Variants in LRRK2 observed in about 807,000 individuals in gnomAD.
LRRK2 encodes the protein leucine rich repeat kinase 2.
Under a neutral mutation model 302.6 loss-of-function variants are expected in LRRK2, and 203 were observed. The observed-to-expected ratio is 0.67, with a 90% CI of 0.60 to 0.75. LRRK2 has a LOEUF of 0.75. LRRK2 is among the 30% of genes least tolerant of loss of function. The pLI, the probability that LRRK2 is intolerant of heterozygous loss-of-function variation, is 0.00. For synonymous variants in LRRK2, 1,066 were observed against 1,031.9 expected (o/e 1.03, Z -0.63); for missense variants, 2,830 against 2,951.0 (o/e 0.96, Z 0.95).
At chr12:40,365,163 A>G (rs1159558061) in intron 49 of LRRK2, 113 bp downstream of exon 49, 1 of 936,196 alleles carries the variant, frequency 1.1e-6, no homozygotes, top group Non-Finnish European at 1.7e-6. Flanking sequence ...ATGGTCTTGG[A>G]GGGTCACACA....
intron 14 of LRRK2, among the ~76,000 whole-genome samples, chr12:40,271,250 A>G (rs1319084919): frequency 6.6e-6 from 1 of 152,208 alleles, no homozygotes; most frequent in Non-Finnish European, 1.5e-5. Context: ...CCACACATTT[A>G]GCTTATTTGT....
At chr12:40,301,123 T>C in intron 25 of LRRK2, 1 of 456,488 alleles carries the variant, frequency 2.2e-6, no homozygotes, top group Non-Finnish European at 4.4e-6. Flanking sequence ...TCAAAATCTG[T>C]TTGCTTTGCA....
chr12:40,244,637 A>G (rs1346475114), intron 7 of LRRK2, among the ~76,000 whole-genome samples: 1 of 151,342 alleles, frequency 6.6e-6, no homozygotes, highest in African/African-American at 2.4e-5. Context: ...CTGTCTTTTT[A>G]AAACCGATTC....
At chr12:40,329,540 TA>T (rs1313023667) in intron 39 of LRRK2, among the ~76,000 whole-genome samples, 1 of 152,190 alleles carries the variant, frequency 6.6e-6, no homozygotes, top group Non-Finnish European at 1.5e-5. Context: ...GCCATTTATA[TA>T]TTTTTTTATT....
intron 40 of LRRK2, among the ~76,000 whole-genome samples, chr12:40,337,613 A>G (rs2136946277): frequency 6.6e-6 from 1 of 152,230 alleles, no homozygotes; most frequent in East Asian, 1.9e-4. Flanking sequence ...TTTTTAGTCA[A>G]TTCATTTATT....
intron 2 of LRRK2, among the ~76,000 whole-genome samples, chr12:40,228,433 C>CTTTTTTTTTTTTTTTTTTT (rs35333613): frequency 3.1e-4 from 6 of 19,310 alleles, no homozygotes; most frequent in East Asian, 1.3e-3. Context: ...AAAAATAAGA[C>CTTTTTTTTTTTTTTTTTTT]TTTTTTTTTT....
Position 40,251,505 on chromosome 12 carries a change from A to G in LRRK2, c.1142A>G (p.Gln381Arg). 3 of 1,612,680 alleles carry G rather than the reference A, an allele frequency of 1.9e-6. No individual in the cohort carries two copies. Among genetic ancestry groups the G allele is most frequent in the Non-Finnish European group, 2.5e-6 (3 of 1,179,210 alleles). Residue 381 changes from glutamine (Q) to arginine (R), a missense_variant, in exon 10 of 51, where the codon CAA becomes CGA. Gln to Arg is a conservative substitution (Grantham distance 43). Coordinates refer to ENST00000298910, the MANE Select transcript of LRRK2 (RefSeq NM_198578.4). ...CWALNNLLMY[Q>R]NSLHEKIGDE... ...GCACTAAATAATCTCCTTATGTACCAAAACAGTTTACATGAGAAGATTGGA... is the reference window on the plus strand; with the variant it reads ...GCACTAAATAATCTCCTTATGTACCGAAACAGTTTACATGAGAAGATTGGA...
At chr12:40,255,528 T>C (rs1361934326) in intron 11 of LRRK2, among the ~76,000 whole-genome samples, 2 of 152,186 alleles carry the variant, frequency 1.3e-5, no homozygotes, top group Admixed American at 6.6e-5. Flanking sequence ...AAACCACACA[T>C]TGGGTTACTG....
At chr12:40,364,693 G>A in intron 48 of LRRK2, 149 bp from the exon 49 acceptor site, 1 of 674,676 alleles carries the variant, frequency 1.5e-6, no homozygotes, top group African/African-American at 1.8e-5. Context: ...TCTGTATTTA[G>A]CAAAATTTGC....
rs373268136 is a variant in LRRK2, at chr12:40,309,108, C to T, written c.4192C>T (p.Arg1398Cys). The change falls in exon 30 of 51, where the codon CGT (arginine) becomes TGT (cysteine). Residue 1398 changes from arginine to cysteine, a missense_variant and splice_region_variant. By Grantham distance (180) the Arg-to-Cys change is radical. Transcript: ENST00000298910. The part of the protein sequence containing the change: ...LVLNVWDFAG[R>C]EEFYSTHPHF... ...ATTTGTCTCTAATCTTTATTTAGGT[C>T]GTGAGGAATTCTATAGTACTCATCC... The T allele has an allele frequency of 1.2e-5, 19 of 1,613,242 alleles. No individual in the cohort carries two copies. Among genetic ancestry groups the T allele is most frequent in the African/African-American group, 5.3e-5 (4 of 74,810 alleles).
intron 37 of LRRK2, among the ~76,000 whole-genome samples, chr12:40,322,892 A>C (rs10878372): frequency 6.6e-6 from 1 of 152,008 alleles, no homozygotes; most frequent in Non-Finnish European, 1.5e-5. Flanking sequence ...CAGAGAGTAG[A>C]TAACTTTCTA....
At chr12:40,323,472 G>T (rs537719323) in intron 38 of LRRK2, among the ~76,000 whole-genome samples, 166 bp downstream of exon 38, 2 of 152,174 alleles carry the variant, frequency 1.3e-5, no homozygotes, top group African/African-American at 4.8e-5. Flanking sequence ...TAATATTACA[G>T]ATCTGGAATT....
chr12:40,242,069 A>G (rs112489688), intron 6 of LRRK2, among the ~76,000 whole-genome samples: 144 of 152,174 alleles, frequency 9.5e-4, no homozygotes, highest in Non-Finnish European at 1.7e-3. Flanking sequence ...ACATAACTCC[A>G]GTAAAAATGT....
intron 13 of LRRK2, among the ~76,000 whole-genome samples, chr12:40,262,702 C>T (rs572953970): frequency 6.6e-6 from 1 of 152,144 alleles, no homozygotes; most frequent in South Asian, 2.1e-4. Flanking sequence ...TTCATTTGGT[C>T]TTAATTTAAG....
At chr12:40,349,011 T>C (rs1390109462) in intron 43 of LRRK2, among the ~76,000 whole-genome samples, 1 of 152,168 alleles carries the variant, frequency 6.6e-6, no homozygotes, top group African/African-American at 2.4e-5. Flanking sequence ...ATCTTTCTTT[T>C]AGAGCTACAA....
At chr12:40,308,851 CA>C (rs1413648954) in intron 29 of LRRK2, among the ~76,000 whole-genome samples, 155 bp downstream of exon 29, 8 of 152,084 alleles carry the variant, frequency 5.3e-5, no homozygotes, top group African/African-American at 1.9e-4. Flanking sequence ...CCCTTGCCTC[CA>C]GAATGGAGAA....
chr12:40,340,578 G>A (rs1474115685), intron 41 of LRRK2, 124 bp downstream of exon 41: 4 of 950,340 alleles, frequency 4.2e-6, no homozygotes, highest in Non-Finnish European at 6.7e-6. Flanking sequence ...GGTTTATTTT[G>A]TGAAAAAATG....
At chr12:40,300,842 A>T in intron 25 of LRRK2, 1 of 471,144 alleles carries the variant, frequency 2.1e-6, no homozygotes, top group Middle Eastern at 3.2e-4. Context: ...ACCTCAGGGG[A>T]ATCTGATTCA....
intron 5 of LRRK2, among the ~76,000 whole-genome samples, chr12:40,238,380 G>GTGGGT (rs1342399183): frequency 1.3e-5 from 2 of 152,102 alleles, no homozygotes; most frequent in African/African-American, 4.8e-5. Flanking sequence ...AACTGGATGT[G>GTGGGT]TGGGTGCTAT....
Sources: gnomAD v4.1 joint callset for allele counts (sites outside exome capture counted in the v4.1 genomes callset) on GRCh38, gnomAD v4.1.1 for gene constraint, MANE v1.5 for transcripts, NCBI Gene and HGNC (gene_info 2026-07-23, HGNC 2026-07-21) for gene names.